Variants in CENPK observed in about 807,000 individuals in gnomAD.
The protein encoded by CENPK is SoxLZ/Sox6-binding protein Solt.
In CENPK, 46 loss-of-function variants were observed where a neutral mutation model predicts 40.9. The observed-to-expected ratio is 1.13, with a 90% CI of 0.89 to 1.44. The LOEUF (loss-of-function observed/expected upper bound fraction) is 1.44, where lower values mean the gene tolerates loss of function less well. Among genes scored for constraint, CENPK ranks in the 40% most tolerant of loss-of-function variants. CENPK has a pLI of 0.00. For missense variants in CENPK, 288 were observed against 303.5 expected, an observed-to-expected ratio of 0.95 and a Z score of 0.38; for synonymous variants, 107 against 104.4, an observed-to-expected ratio of 1.02 and a Z score of -0.15.
the CENPK span, among the ~76,000 whole-genome samples, chr5:65,509,173 G>C: frequency 5.3e-5 from 8 of 152,168 alleles, no homozygotes; most frequent in South Asian, 1.7e-3. Flanking sequence ...CTCCTGTATA[G>C]TGCATTTGGG....
the CENPK span, among the ~76,000 whole-genome samples, chr5:65,508,481 G>A: frequency 2.6e-5 from 4 of 151,926 alleles, no homozygotes; most frequent in Non-Finnish European, 5.9e-5. Flanking sequence ...TCACATACAC[G>A]AACATAAAAG....
At chr5:65,506,241 TGGTGGCAGGCACCTG>T in the CENPK span, among the ~76,000 whole-genome samples, 1 of 148,392 alleles carries the variant, frequency 6.7e-6, no homozygotes, top group Non-Finnish European at 1.5e-5. Flanking sequence ...AAAATTAGCA[TGGTGGCAGGCACCTG>T]TAGTCCTAGC....
At chr5:65,556,364 G>A (rs1417697696) in intron 2 of CENPK, among the ~76,000 whole-genome samples, 4 of 151,990 alleles carry the variant, frequency 2.6e-5, no homozygotes, top group South Asian at 2.1e-4. Flanking sequence ...AGCCCAAGCT[G>A]CTCAGGAGGC....
At chr5:65,526,945 T>C (rs1744810891) in intron 9 of CENPK, among the ~76,000 whole-genome samples, 1 of 151,854 alleles carries the variant, frequency 6.6e-6, no homozygotes, top group South Asian at 2.1e-4. Flanking sequence ...ACAAAAAAAT[T>C]AACTGGGTGC....
At chr5:65,525,023 T>C (rs1383468835) in intron 9 of CENPK, among the ~76,000 whole-genome samples, 1 of 152,148 alleles carries the variant, frequency 6.6e-6, no homozygotes, top group Non-Finnish European at 1.5e-5. Context: ...TTATCCGAGT[T>C]CAACTGTTCA....
At position 65,552,495 on chromosome 5, in the gene CENPK, G is replaced by A. The variant is rs764377925; in HGVS notation, c.166C>T (p.Gln56Ter). The change falls in exon 4 of 11, where the codon CAG becomes TAG. Residue 56 changes from glutamine to a stop codon, truncating the protein, a stop_gained and splice_region_variant. Transcript: ENST00000396679. LOFTEE classifies it high-confidence loss of function. ...GTETLTDSNA[Q>*]LSLLIMQVKC... ...TTTAGGAAGAAAAAGATTCATACCT[G>A]AGCATTTGAATCGGTGAGTGTTTCA... 8 of 1,538,782 alleles carry A rather than the reference G, an allele frequency of 5.2e-6. No homozygotes were observed. Among genetic ancestry groups the A allele is most frequent in the South Asian group, 1.2e-5 (1 of 81,322 alleles).
At chr5:65,511,621 G>A in the CENPK span, among the ~76,000 whole-genome samples, 1 of 152,206 alleles carries the variant, frequency 6.6e-6, no homozygotes, top group Non-Finnish European at 1.5e-5. Flanking sequence ...ACCACAGGAG[G>A]TGAGCAGCAG....
At position 65,551,622 on chromosome 5, in the gene CENPK, A is replaced by G. The variant is rs1750067487; in HGVS notation, c.183T>C (p.Ile61=). The part of the protein sequence containing the change: ...TDSNAQLSLL[I]MQVKCLTAEL... ...CAGCGGTTAAACATTTTACTTGCAT[A>G]ATTAACAATGATAGCTACAAAAGAA... Residue 61 remains isoleucine (I), a synonymous_variant, in exon 5 of 11, where the codon ATT becomes ATC. Coordinates refer to ENST00000396679, the MANE Select transcript of CENPK (RefSeq NM_022145.5). The G allele has an allele frequency of 6.4e-7, 1 of 1,568,792 alleles. No homozygotes were observed. Among genetic ancestry groups the G allele is most frequent in the Non-Finnish European group, 8.7e-7 (1 of 1,150,578 alleles).
intron 8 of CENPK, 88 bp downstream of exon 8, chr5:65,528,831 G>C: frequency 1.1e-6 from 1 of 944,538 alleles, no homozygotes; most frequent in Non-Finnish European, 1.6e-6. Flanking sequence ...CCTGATTCCT[G>C]GTAACATTTA....
intron 9 of CENPK, among the ~76,000 whole-genome samples, chr5:65,524,399 C>CA (rs1370896102): frequency 6.8e-6 from 1 of 148,086 alleles, no homozygotes; most frequent in African/African-American, 2.5e-5. Context: ...AAAAAACAAA[C>CA]AAAAACTCTG....
At chr5:65,551,439 G>A (rs901943240) in intron 5 of CENPK, 125 bp downstream of exon 5, 13 of 546,738 alleles carry the variant, frequency 2.4e-5, no homozygotes, top group East Asian at 3.2e-5. Flanking sequence ...GTGGCTTCTC[G>A]GTATCAATGA....
At position 65,562,987 on chromosome 5, in the gene CENPK, G is replaced by A. The variant is rs150487053; in HGVS notation, c.-142+111C>T. ...GAAGCCGAGAAGAACGGGACTCAAA[G>A]CCCGGCTGGGAAGTCAGGTATCTAG... On this transcript the variant is annotated intron_variant, in intron 1 of 10. Coordinates refer to ENST00000396679, the MANE Select transcript of CENPK (RefSeq NM_022145.5). The A allele has an allele frequency of 4.4e-3, 855 of 194,992 alleles. 8 individuals carry two copies. The highest frequency in any genetic ancestry group is 0.019 in the African/African-American group (793 of 42,078). 12.1% of individuals were successfully genotyped at this position (194,992 alleles called of 1,614,324 possible).
the CENPK span, among the ~76,000 whole-genome samples, chr5:65,506,221 A>G: frequency 5.1e-3 from 269 of 52,332 alleles, 1 homozygote; most frequent in South Asian, 0.026. Context: ...CCATTTCTTA[A>G]AAAAAAAAAA....
At position 65,554,793 on chromosome 5, in the gene CENPK, T is replaced by A; in HGVS notation, c.111+4A>T. On this transcript the variant is annotated splice_donor_region_variant and intron_variant, in intron 3 of 10. Transcript: ENST00000396679. ...AACTATCACTTCTATCTTTTGAAACTTACTTCTTCCATATCTTTCCACATT... is the reference window on the plus strand; with the variant it reads ...AACTATCACTTCTATCTTTTGAAACATACTTCTTCCATATCTTTCCACATT... 7.0e-7 allele frequency: 1 copy of A among 1,420,938 alleles called. No individual in the cohort carries two copies. The highest frequency in any genetic ancestry group is 9.9e-7 in the Non-Finnish European group (1 of 1,006,684). 88.0% of individuals were successfully genotyped at this position (1,420,938 alleles called of 1,614,324 possible).
intron 6 of CENPK, among the ~76,000 whole-genome samples, chr5:65,531,546 TAGGCTG>T (rs1009881763): frequency 2.6e-5 from 4 of 151,860 alleles, no homozygotes; most frequent in Non-Finnish European, 5.9e-5. Context: ...GCTCTGTCGT[TAGGCTG>T]GAGTGCAGTG....
chr5:65,527,286 G>T (rs916442101), intron 9 of CENPK, among the ~76,000 whole-genome samples: 5 of 151,608 alleles, frequency 3.3e-5, no homozygotes, highest in Non-Finnish European at 4.4e-5. Flanking sequence ...AGGTCAATTG[G>T]TGACATAGCT....
Position 65,528,908 on chromosome 5 carries a change from A to T in CENPK, c.470+11T>A. 2.8e-6 allele frequency: 4 copies of T among 1,441,258 alleles called. No individual in the cohort carries two copies. Among genetic ancestry groups the T allele is most frequent in the Non-Finnish European group, 3.8e-6 (4 of 1,041,086 alleles). 89.3% of individuals were successfully genotyped at this position (1,441,258 alleles called of 1,614,324 possible). A position where few individuals can be genotyped will look rare whatever the true frequency, so the allele number is the denominator to read the frequency against. On this transcript the variant is annotated intron_variant, in intron 8 of 10. Coordinates refer to ENST00000396679, the MANE Select transcript of CENPK (RefSeq NM_022145.5). ...TTCCTATTTTAAAAACCTAGAACAT[A>T]AAATTAATACCTTGATTCAGAAAAT...
At chr5:65,507,515 C>T in the CENPK span, among the ~76,000 whole-genome samples, 1 of 152,138 alleles carries the variant, frequency 6.6e-6, no homozygotes, top group East Asian at 1.9e-4. Context: ...GGTCATATTA[C>T]TAGAAAAGTG....
At chr5:65,558,535 G>A (rs1751372364) in intron 2 of CENPK, among the ~76,000 whole-genome samples, 1 of 152,174 alleles carries the variant, frequency 6.6e-6, no homozygotes, top group Non-Finnish European at 1.5e-5. Context: ...TATCAGCTAT[G>A]AAAGGATGGG....
Sources: allele counts gnomAD v4.1 joint callset (sites outside exome capture counted in the v4.1 genomes callset), GRCh38; gene constraint gnomAD v4.1.1; transcripts MANE v1.5; gene names NCBI Gene and HGNC (gene_info 2026-07-23, HGNC 2026-07-21).